Variants in PARD3B observed in about 807,000 individuals in gnomAD.
The protein encoded by PARD3B is par-3 family cell polarity regulator beta.
In PARD3B, 103 loss-of-function variants were observed where a neutral mutation model predicts 130.2. That is an observed-to-expected ratio of 0.79 (90% CI 0.67 to 0.93). The LOEUF (loss-of-function observed/expected upper bound fraction) is 0.93, where lower values mean the gene tolerates loss of function less well. Ranked by LOEUF, PARD3B falls within the 40% of genes least tolerant of loss-of-function variation. The pLI is 0.00. For synonymous variants in PARD3B, 583 were observed against 553.2 expected (o/e 1.05, Z -0.76); for missense variants, 1,609 against 1,499.2 (o/e 1.07, Z -1.21).
chr2:205,104,509 A>T lies in PARD3B; in HGVS notation c.588A>T (p.Thr196=). Reference sequence around the variant, plus strand: ...TAACTTCGCCAAGAACTAAGGACACATTGAGGTATTCTCTTTATACAGATA... The same window carrying T: ...TAACTTCGCCAAGAACTAAGGACACTTTGAGGTATTCTCTTTATACAGATA... ...ELLTSPRTKD[T]LSDMTRTVEI... is the part of the protein sequence containing the mutation. The change falls in exon 5 of 23, where the codon ACA becomes ACT. Residue 196 remains threonine, a synonymous_variant. Coordinates refer to ENST00000406610, the MANE Select transcript of PARD3B (RefSeq NM_001302769.2). The T allele has an allele frequency of 6.5e-7, 1 of 1,529,184 alleles. No homozygotes were observed. Among genetic ancestry groups the T allele is most frequent in the Non-Finnish European group, 9.1e-7 (1 of 1,103,154 alleles). 94.7% of individuals were successfully genotyped at this position (1,529,184 alleles called of 1,614,324 possible).
At chr2:204,726,596 C>CAGT (rs1396111565) in intron 2 of PARD3B, among the ~76,000 whole-genome samples, 10 of 152,126 alleles carry the variant, frequency 6.6e-5, no homozygotes, top group African/African-American at 2.4e-4. Context: ...AGCTGCCTTA[C>CAGT]AGAACAAAAA....
At chr2:205,127,124 C>T (rs866652591) in intron 10 of PARD3B, among the ~76,000 whole-genome samples, 16 of 151,540 alleles carry the variant, frequency 1.1e-4, no homozygotes, top group South Asian at 2.1e-4. Context: ...GGTGAAACCC[C>T]GTCTCTACTA....
chr2:205,080,754 A>C lies in PARD3B; in HGVS notation c.505-23672A>C, dbSNP rs151010324. Among the ~76,000 whole-genome samples, 668 of 152,264 alleles carry C rather than the reference A, an allele frequency of 4.4e-3. 2 individuals carry two copies. Among genetic ancestry groups the C allele is most frequent in the African/African-American group, 0.015 (636 of 41,572 alleles). On this transcript the variant is annotated intron_variant, in intron 4 of 22. Transcript: ENST00000406610. Reference sequence around the variant, plus strand: ...AAATTATACTCACACCAGCAGTATGAGACAGTAGGAATTCCATATCCTCAT... The same window carrying C: ...AAATTATACTCACACCAGCAGTATGCGACAGTAGGAATTCCATATCCTCAT...
At chr2:205,191,498 G>T (rs1022877767) in intron 14 of PARD3B, among the ~76,000 whole-genome samples, 1 of 152,096 alleles carries the variant, frequency 6.6e-6, no homozygotes, top group Non-Finnish European at 1.5e-5. Context: ...AGATGTCAAA[G>T]AAACTGTAAA....
chr2:205,581,220 TG>T (rs1207076881), intron 22 of PARD3B, among the ~76,000 whole-genome samples: 1 of 95,124 alleles, frequency 1.1e-5, no homozygotes, highest in Non-Finnish European at 2.3e-5. Flanking sequence ...AAAGAGAATG[TG>T]GGGTGGGGAG....
chr2:205,135,193 G>A (rs969185367), intron 10 of PARD3B, among the ~76,000 whole-genome samples: 1 of 152,192 alleles, frequency 6.6e-6, no homozygotes, highest in African/African-American at 2.4e-5. Context: ...TTAGCCAAAT[G>A]TTACCAGTAA....
At chr2:204,889,266 C>G (rs1344200000) in intron 2 of PARD3B, among the ~76,000 whole-genome samples, 2 of 152,206 alleles carry the variant, frequency 1.3e-5, no homozygotes, top group Non-Finnish European at 2.9e-5. Context: ...GTCTTCTCTG[C>G]TCTTCATGAT....
At chr2:205,609,953 G>T in intron 22 of PARD3B, among the ~76,000 whole-genome samples, 1 of 152,150 alleles carries the variant, frequency 6.6e-6, no homozygotes, top group Non-Finnish European at 1.5e-5. Context: ...TGTATTGCAA[G>T]AATCTGTCAC....
intron 18 of PARD3B, among the ~76,000 whole-genome samples, chr2:205,376,824 A>G (rs557655626): frequency 3.9e-5 from 6 of 152,078 alleles, no homozygotes; most frequent in Non-Finnish European, 7.4e-5. Context: ...GGTCTGGGGG[A>G]ACAGCTGTAA....
chr2:205,156,218 C>A (rs566114698), intron 10 of PARD3B, among the ~76,000 whole-genome samples: 2 of 129,160 alleles, frequency 1.5e-5, no homozygotes, highest in South Asian at 2.4e-4. Context: ...ACAATGAGAA[C>A]ACATGGACAC....
At chr2:205,333,203 A>G (rs971842665) in intron 18 of PARD3B, among the ~76,000 whole-genome samples, 7 of 152,120 alleles carry the variant, frequency 4.6e-5, no homozygotes, top group African/African-American at 1.7e-4. Flanking sequence ...GAAATACTCT[A>G]TACGTACATT....
At chr2:205,082,315 A>G (rs1017686552) in intron 4 of PARD3B, among the ~76,000 whole-genome samples, 4 of 152,180 alleles carry the variant, frequency 2.6e-5, no homozygotes, top group African/African-American at 9.7e-5. Context: ...TGAACTCTAT[A>G]GTATACTCAC....
At chr2:204,576,051 ACCCACTTCCCCCTAATCTCCCTT>A (rs960611238) in intron 1 of PARD3B, among the ~76,000 whole-genome samples, 73 of 152,058 alleles carry the variant, frequency 4.8e-4, no homozygotes, top group African/African-American at 1.7e-3. Context: ...CCTTCTGGGG[ACCCACTTCCCCCTAATCTCCCTT>A]ATTTTAGAGT....
Position 204,890,567 on chromosome 2 carries a change from A to C in PARD3B, c.223-74585A>C, listed in dbSNP as rs1337180531. Among the ~76,000 whole-genome samples, 1 of 151,976 alleles carries C rather than the reference A, an allele frequency of 6.6e-6. No homozygotes were observed. The highest frequency in any genetic ancestry group is 1.5e-5 in the Non-Finnish European group (1 of 68,000). The stretch of plus-strand genomic sequence containing the variant: ...GTTTTGGGTACCATCATTGATTTCC[A>C]CCTCCCCCCACCACATCCCCTTATA... On this transcript the variant is annotated intron_variant, in intron 2 of 22. Transcript: ENST00000406610. The surrounding 1 kb of genome is among the most constrained non-coding windows in gnomAD (Gnocchi z 4.9).
intron 21 of PARD3B, among the ~76,000 whole-genome samples, chr2:205,534,737 G>A (rs1431368587): frequency 1.3e-5 from 2 of 152,154 alleles, no homozygotes; most frequent in Non-Finnish European, 2.9e-5. Context: ...CCAAAGTGCT[G>A]GAATTACAGG....
intron 4 of PARD3B, among the ~76,000 whole-genome samples, chr2:205,065,686 G>C (rs563169247): frequency 6.6e-6 from 1 of 152,064 alleles, no homozygotes; most frequent in Admixed American, 6.6e-5. Flanking sequence ...CTGCAAGAAT[G>C]GATTAGTTCC....
intron 2 of PARD3B, among the ~76,000 whole-genome samples, chr2:204,910,541 A>G (rs544787749): frequency 6.6e-6 from 1 of 152,360 alleles, no homozygotes; most frequent in African/African-American, 2.4e-5. Context: ...AAGAATAAAA[A>G]GTTTGGATGA....
In PARD3B at chr2:204,799,114, C is replaced by T. The variant is rs910072975; in HGVS notation, c.222+112832C>T. ...TGGCTCCTGGACATTATTTTTGGAC[C>T]TGCTATGGGCCAGACGGGAGCCCAC... On this transcript the variant is annotated intron_variant, in intron 2 of 22. Transcript: ENST00000406610. This position sits in a 1 kb window ranked among gnomAD's most constrained non-coding sequence, Gnocchi z 4.1. Among the ~76,000 whole-genome samples, 1 of 152,074 alleles carries T rather than the reference C, an allele frequency of 6.6e-6. No individual in the cohort carries two copies. Among genetic ancestry groups the T allele is most frequent in the African/African-American group, 2.4e-5 (1 of 41,410 alleles).
intron 18 of PARD3B, among the ~76,000 whole-genome samples, chr2:205,356,727 C>T (rs1274406675): frequency 1.3e-5 from 2 of 151,906 alleles, no homozygotes; most frequent in African/African-American, 4.8e-5. Context: ...CCCGTCTCTA[C>T]TAAAAATACA....
Sources: allele counts gnomAD v4.1 joint callset (sites outside exome capture counted in the v4.1 genomes callset), GRCh38; gene constraint gnomAD v4.1.1; non-coding constraint Gnocchi (gnomAD v3.1); transcripts MANE v1.5; gene names NCBI Gene and HGNC (gene_info 2026-07-23, HGNC 2026-07-21).